The following KIF5B variants were observed in gnomAD, a reference collection of about 807,000 sequenced individuals.
The protein encoded by KIF5B is kinesin-1 heavy chain.
A neutral mutation model predicts 132.8 loss-of-function variants in KIF5B; 49 were observed. The ratio of observed to expected loss-of-function variants is 0.37; its 90% CI spans 0.29 to 0.47. The LOEUF is 0.47. KIF5B is among the 20% of genes least tolerant of loss of function. The pLI, the probability that KIF5B is intolerant of heterozygous loss-of-function variation, is 1.00. For missense variants in KIF5B, 780 were observed against 1,144.0 expected (o/e 0.68, Z 4.59); for synonymous variants, 355 against 369.4 (o/e 0.96, Z 0.45).
chr10:32,050,359 A>C (rs759488676), intron 1 of KIF5B, among the ~76,000 whole-genome samples: 15 of 152,206 alleles, frequency 9.9e-5, no homozygotes, highest in Admixed American at 3.9e-4. Flanking sequence ...CAAGCTCTGA[A>C]TAATATGAAG....
At chr10:32,030,974 G>T in intron 14 of KIF5B, 99 bp downstream of exon 14, 1 of 793,940 alleles carries the variant, frequency 1.3e-6, no homozygotes, top group Non-Finnish European at 2.0e-6. Flanking sequence ...TGATGTTATC[G>T]ATATTTGACT....
Position 32,017,325 on chromosome 10 carries a change from A to G in KIF5B, c.2579T>C (p.Leu860Pro). ...VRDNADLRCE[L>P]PKLEKRLRAT... ...TCGAAGTCGCTTTTCCAACTTAGGA[A>G]GTTCACAGCGGAGATCTGCATTATC... is the stretch of plus-strand genomic sequence containing the variant. Residue 860 changes from leucine (L) to proline (P), a missense_variant, in exon 24 of 26, where the codon CTT becomes CCT. Physicochemically the swap from Leu to Pro is moderately conservative, Grantham distance 98 (BLOSUM62 -3). Transcript: ENST00000302418. The G allele has an allele frequency of 6.2e-7, 1 of 1,614,172 alleles. No homozygotes were observed. Among genetic ancestry groups the G allele is most frequent in the African/African-American group, 1.3e-5 (1 of 75,054 alleles).
intron 24 of KIF5B, among the ~76,000 whole-genome samples, 183 bp from the exon 25 acceptor site, chr10:32,015,842 G>C (rs1841151804): frequency 6.6e-6 from 1 of 151,754 alleles, no homozygotes; most frequent in Admixed American, 6.6e-5. Context: ...ACAATTCTTA[G>C]CCTTTAAAAA....
At chr10:32,017,109 G>C in intron 24 of KIF5B, 34 bp downstream of exon 24, 2 of 1,532,622 alleles carry the variant, frequency 1.3e-6, no homozygotes, top group Non-Finnish European at 1.8e-6. Flanking sequence ...TTCAAATTGA[G>C]CAAGGTTTAA....
At chr10:32,035,836 T>C in intron 9 of KIF5B, 54 bp downstream of exon 9, 1 of 1,422,008 alleles carries the variant, frequency 7.0e-7, no homozygotes, top group Non-Finnish European at 9.8e-7. Flanking sequence ...TATACACCTA[T>C]ATTTAAATAA....
chr10:32,023,300 A>C (rs1413093068), intron 15 of KIF5B, among the ~76,000 whole-genome samples: 3 of 152,220 alleles, frequency 2.0e-5, no homozygotes, highest in Admixed American at 6.5e-5. Context: ...AACCTAAAGA[A>C]AACACAAAAA....
chr10:32,041,252 G>T (rs1313349652), intron 2 of KIF5B, among the ~76,000 whole-genome samples: 2 of 151,552 alleles, frequency 1.3e-5, no homozygotes, highest in African/African-American at 4.9e-5. Flanking sequence ...AGTACATAAA[G>T]GATTTATAAA....
At position 32,019,941 on chromosome 10, in the gene KIF5B, C is replaced by T. The variant is rs950265557; in HGVS notation, c.2223G>A (p.Met741Ile). The change falls in exon 20 of 26, where the codon ATG (methionine) becomes ATA (isoleucine). Residue 741 changes from methionine to isoleucine, a missense_variant. Physicochemically the swap from Met to Ile is conservative, Grantham distance 10. Transcript: ENST00000302418. Reference protein sequence around the residue: ...TDLQDQNQKMMLEQERLRVEH... With the variant: ...TDLQDQNQKMILEQERLRVEH... ...CTACTCTTAGACGTTCCTGCTCTAA[C>T]ATCATTTTCTGGTTTTGGCTGACGA... 9.3e-6 allele frequency: 15 copies of T among 1,609,072 alleles called. No individual in the cohort carries two copies. Among genetic ancestry groups the T allele is most frequent in the Non-Finnish European group, 1.3e-5 (15 of 1,178,530 alleles).
intron 24 of KIF5B, among the ~76,000 whole-genome samples, chr10:32,016,801 G>T (rs1471854726): frequency 6.6e-6 from 1 of 152,186 alleles, no homozygotes; most frequent in Non-Finnish European, 1.5e-5. Flanking sequence ...CTCCCAAAGT[G>T]TTGGGATTAC....
In KIF5B at chr10:32,044,496, A is replaced by C. The variant is rs943942533; in HGVS notation, c.214+3968T>G. ...AGACCAGCCTGACCAACATGGAGGA[A>C]CCCTGTCTCTACTAGTAACACAAAA... On this transcript the variant is annotated intron_variant, in intron 2 of 25. Transcript: ENST00000302418. 5.3e-5 allele frequency among the ~76,000 whole-genome samples: 8 copies of C among 152,128 alleles called. No homozygotes were observed. In the South Asian group the frequency reaches 1.0e-3, roughly 20 times the overall value.
At chr10:32,035,436 G>T in intron 10 of KIF5B, 86 bp downstream of exon 10, 1 of 1,171,176 alleles carries the variant, frequency 8.5e-7, no homozygotes, top group Non-Finnish European at 1.2e-6. Context: ...AGTATGTACA[G>T]GTTGGAATAA....
At chr10:32,044,645 C>G (rs1179706632) in intron 2 of KIF5B, among the ~76,000 whole-genome samples, 1 of 151,716 alleles carries the variant, frequency 6.6e-6, no homozygotes, top group African/African-American at 2.4e-5. Context: ...CACTGCAGTC[C>G]AGCCTGGACA....
chr10:32,013,306 TTG>T (rs1841110087), intron 25 of KIF5B, among the ~76,000 whole-genome samples: 1 of 152,210 alleles, frequency 6.6e-6, no homozygotes, highest in South Asian at 2.1e-4. Context: ...AAACCAGCTA[TTG>T]TATGTCTACT....
At chr10:32,049,886 G>GT (rs1841666366) in intron 1 of KIF5B, among the ~76,000 whole-genome samples, 1 of 152,108 alleles carries the variant, frequency 6.6e-6, no homozygotes, top group Admixed American at 6.5e-5. Flanking sequence ...AGAATGGGAG[G>GT]TAACCAAGTG....
intron 16 of KIF5B, 144 bp from the exon 17 acceptor site, chr10:32,022,401 TA>T (rs145939486): frequency 1.4e-5 from 8 of 574,168 alleles, no homozygotes; most frequent in Non-Finnish European, 2.1e-5. Context: ...TTTGAAATGT[TA>T]AAGAATGTAA....
rs778031056 is a variant in KIF5B at position 32,034,600 on chromosome 10, CACTT to C, written c.1111+86_1111+89del. On this transcript the variant is annotated intron_variant, in intron 11 of 25. Coordinates refer to ENST00000302418, the MANE Select transcript of KIF5B (RefSeq NM_004521.3). ...TGTCTATTAAATTTCTTGATCTAGT[CACTT>C]ACTGATTTTGCTGAACTATTTCTAC... The C allele has an allele frequency of 6.0e-4, 543 of 897,600 alleles. 1 individual carries two copies. Among genetic ancestry groups the C allele is most frequent in the Non-Finnish European group, 8.1e-4 (512 of 630,924 alleles). The allele number at this position is 897,600 out of a possible 1,614,324, so 55.6% of individuals were successfully genotyped here. A position where few individuals can be genotyped will look rare whatever the true frequency, so the allele number is the denominator to read the frequency against.
intron 12 of KIF5B, among the ~76,000 whole-genome samples, chr10:32,033,083 C>A (rs904342922): frequency 6.6e-6 from 1 of 152,186 alleles, no homozygotes. Flanking sequence ...CATTCTATTA[C>A]GTTCTTAGTT....
chr10:32,033,971 A>T lies in KIF5B; in HGVS notation c.1179T>A (p.Asp393Glu). Residue 393 changes from aspartate to glutamate, a missense_variant, in exon 12 of 26, where the codon GAT (aspartate) becomes GAA (glutamate). Transcript: ENST00000302418. The stretch of plus-strand genomic sequence containing the variant: ...TATCATTGGTAAGAGTAATATCTTT[A>T]TCCACTGTGAAAGCTTCCAAGTTGG... ...EKANLEAFTVDKDITLTNDKP... is the reference protein window; with the variant it reads ...EKANLEAFTVEKDITLTNDKP... The T allele has an allele frequency of 2.5e-6, 4 of 1,610,592 alleles. No homozygotes were observed. The highest frequency in any genetic ancestry group is 3.4e-6 in the Non-Finnish European group (4 of 1,177,976).
chr10:32,031,398 C>A, intron 13 of KIF5B, 119 bp from the exon 14 acceptor site: 2 of 730,630 alleles, frequency 2.7e-6, no homozygotes, highest in South Asian at 1.7e-5. Context: ...TTCAGTGTGG[C>A]AACATTTATT....
Sources: allele counts gnomAD v4.1 joint callset (sites outside exome capture counted in the v4.1 genomes callset), GRCh38; gene constraint gnomAD v4.1.1; transcripts MANE v1.5; gene names NCBI Gene and HGNC (gene_info 2026-07-23, HGNC 2026-07-21).